The following IL1RAPL1 variants were observed in gnomAD, a reference collection of about 807,000 sequenced individuals.
IL1RAPL1 encodes interleukin 1 receptor accessory protein like 1, also known as interleukin-1 receptor accessory protein-like 1.
Under a neutral mutation model 48.4 loss-of-function variants are expected in IL1RAPL1, and 3 were observed. That is an observed-to-expected ratio of 0.06 (90% CI 0.03 to 0.16). The LOEUF (loss-of-function observed/expected upper bound fraction) is 0.16, where lower values mean the gene tolerates loss of function less well. Among genes scored for constraint, IL1RAPL1 ranks in the 10% least tolerant of loss-of-function variants. The probability of loss-of-function intolerance (pLI) is 1.00; values close to 1 mark genes in which losing one functional copy is unlikely to be tolerated. For missense variants in IL1RAPL1, 349 were observed against 530.6 expected (o/e 0.66, Z 3.36); for synonymous variants, 185 against 187.7 (o/e 0.99, Z 0.12).
chrX:29,587,994 A>G (rs1266141892), intron 5 of IL1RAPL1, among the ~76,000 whole-genome samples: 1 of 112,607 alleles, frequency 8.9e-6, no homozygotes, highest in Non-Finnish European at 1.9e-5. Flanking sequence ...CAATTCTACC[A>G]TAAGCACAGA....
intron 8 of IL1RAPL1, among the ~76,000 whole-genome samples, chrX:29,940,669 T>C (rs925132473): frequency 8.9e-6 from 1 of 111,762 alleles, no homozygotes; most frequent in Non-Finnish European, 1.9e-5. Context: ...CCAATATCCT[T>C]ATTTTTGTTA....
rs753863869 is a variant in IL1RAPL1, at chrX:29,604,764, A to G, written c.704-63666A>G. Among the ~76,000 whole-genome samples, 3 of 111,668 alleles carry G rather than the reference A, an allele frequency of 2.7e-5. No individual in the cohort carries two copies. The Admixed American group carries it at 2.9e-4, about 11-fold the overall frequency. ...AACCCAAACTGAGAATGGAATAGAAAGTGCTTTTTTAACCCTAAAGTAAGA... is the reference window on the plus strand; with the variant it reads ...AACCCAAACTGAGAATGGAATAGAAGGTGCTTTTTTAACCCTAAAGTAAGA... On this transcript the variant is annotated intron_variant, in intron 5 of 10. Coordinates refer to ENST00000378993, the MANE Select transcript of IL1RAPL1 (RefSeq NM_014271.4).
intron 2 of IL1RAPL1, among the ~76,000 whole-genome samples, chrX:29,015,133 TA>T (rs1926211284): frequency 9.0e-6 from 1 of 111,293 alleles, no homozygotes; most frequent in Non-Finnish European, 1.9e-5. Context: ...TTCTGAACTC[TA>T]AAGGAAATGC....
intron 6 of IL1RAPL1, among the ~76,000 whole-genome samples, chrX:29,829,516 T>A (rs1326419125): frequency 9.0e-6 from 1 of 111,036 alleles, no homozygotes; most frequent in African/African-American, 3.3e-5. Flanking sequence ...AGGGATCTTA[T>A]ACTCATTAGG....
chrX:28,847,481 A>G (rs1404413132), intron 2 of IL1RAPL1, among the ~76,000 whole-genome samples: 1 of 111,485 alleles, frequency 9.0e-6, no homozygotes, highest in Non-Finnish European at 1.9e-5. Context: ...CTCTCTCAGA[A>G]TAAAATCCCA....
At chrX:29,311,293 G>A (rs767654550) in intron 3 of IL1RAPL1, among the ~76,000 whole-genome samples, 2 of 111,826 alleles carry the variant, frequency 1.8e-5, no homozygotes, top group Admixed American at 9.5e-5. Context: ...AAATGTAATC[G>A]ATATGAATCA....
intron 5 of IL1RAPL1, among the ~76,000 whole-genome samples, chrX:29,665,159 C>T (rs751806048): frequency 8.9e-6 from 1 of 112,278 alleles, no homozygotes; most frequent in African/African-American, 3.2e-5. Context: ...TAAAATTACC[C>T]TGTGCTTCAT....
chrX:29,584,604 A>T (rs1923093532), intron 5 of IL1RAPL1, among the ~76,000 whole-genome samples: 1 of 111,466 alleles, frequency 9.0e-6, no homozygotes, highest in Non-Finnish European at 1.9e-5. Context: ...TCCAGGCTGG[A>T]GTGCAGTGGC....
chrX:29,334,202 AC>A (rs1932938529), intron 3 of IL1RAPL1, among the ~76,000 whole-genome samples: 1 of 35,384 alleles, frequency 2.8e-5, no homozygotes, highest in African/African-American at 1.4e-4. Context: ...CGGGGGGCTG[AC>A]CCCCCCACCT....
Position 29,601,277 on chromosome X carries a change from G to A in IL1RAPL1, c.704-67153G>A, listed in dbSNP as rs147966678. Among the ~76,000 whole-genome samples, 933 of 112,075 alleles carry A rather than the reference G, an allele frequency of 8.3e-3. 7 individuals carry two copies. Among genetic ancestry groups the A allele is most frequent in the African/African-American group, 0.029 (888 of 30,860 alleles). ...TTCCAGTTATAACATTTAGTAGTAC[G>A]TCAACTTAAAGAAATTTTCCAAGTT... is the stretch of plus-strand genomic sequence containing the variant. On this transcript the variant is annotated intron_variant, in intron 5 of 10. Transcript: ENST00000378993.
intron 1 of IL1RAPL1, among the ~76,000 whole-genome samples, chrX:28,684,687 A>G (rs1313730012): frequency 9.0e-6 from 1 of 111,557 alleles, no homozygotes; most frequent in Non-Finnish European, 1.9e-5. Flanking sequence ...CAGTCCATAA[A>G]TTTGGTCTTC....
At chrX:28,683,022 C>T (rs1429098838) in intron 1 of IL1RAPL1, among the ~76,000 whole-genome samples, 4 of 111,889 alleles carry the variant, frequency 3.6e-5, no homozygotes, top group Admixed American at 1.9e-4. Flanking sequence ...CACATTTTTT[C>T]GAATCTTGAA....
chrX:29,687,811 C>T lies in IL1RAPL1; in HGVS notation c.778+19307C>T, dbSNP rs142501002. On this transcript the variant is annotated intron_variant, in intron 6 of 10. Transcript: ENST00000378993. ...CCACTATAGGAAAAAAAACCTCTGA[C>T]CTGGTGGGTTTGATGTTTTCTTAGT... 2.8e-3 allele frequency among the ~76,000 whole-genome samples: 310 copies of T among 111,767 alleles called. 2 individuals are homozygous for T. The highest frequency in any genetic ancestry group is 9.8e-3 in the African/African-American group (302 of 30,788).
intron 2 of IL1RAPL1, among the ~76,000 whole-genome samples, chrX:29,078,379 G>T (rs1927728853): frequency 8.9e-6 from 1 of 112,604 alleles, no homozygotes; most frequent in African/African-American, 3.2e-5. Context: ...AGGCAACTGG[G>T]ATAAGCAACT....
intron 5 of IL1RAPL1, among the ~76,000 whole-genome samples, chrX:29,458,337 G>A (rs748757160): frequency 2.7e-5 from 3 of 111,485 alleles, no homozygotes; most frequent in African/African-American, 6.5e-5. Flanking sequence ...ATTCTGTCAC[G>A]TACCATAAAT....
At chrX:28,815,738 C>T (rs1358008894) in intron 2 of IL1RAPL1, among the ~76,000 whole-genome samples, 1 of 99,834 alleles carries the variant, frequency 1.0e-5, no homozygotes, top group Non-Finnish European at 2.0e-5. Context: ...TATTTTACTT[C>T]ATTTGATGAC....
chrX:28,643,136 G>A (rs1025134297), intron 1 of IL1RAPL1, among the ~76,000 whole-genome samples: 1 of 111,316 alleles, frequency 9.0e-6, no homozygotes, highest in East Asian at 2.8e-4. Flanking sequence ...TGATCCGCCC[G>A]CCTTGGCCTC....
intron 1 of IL1RAPL1, among the ~76,000 whole-genome samples, chrX:28,623,831 T>C (rs1162784859): frequency 2.7e-5 from 3 of 110,844 alleles, no homozygotes; most frequent in Non-Finnish European, 5.7e-5. Flanking sequence ...TGTCCTTTAA[T>C]TTAACAAGCA....
chrX:28,780,088 A>G (rs1281358700), intron 1 of IL1RAPL1, among the ~76,000 whole-genome samples: 3 of 111,176 alleles, frequency 2.7e-5, no homozygotes, highest in South Asian at 7.4e-4. Flanking sequence ...CATTGCTATT[A>G]GCTTTCTAGA....
Sources: gnomAD v4.1 joint callset for allele counts (sites outside exome capture counted in the v4.1 genomes callset) on GRCh38, gnomAD v4.1.1 for gene constraint, MANE v1.5 for transcripts, NCBI Gene and HGNC (gene_info 2026-07-23, HGNC 2026-07-21) for gene names.